Variants in FHOD3 observed in about 807,000 individuals in gnomAD.
The protein encoded by FHOD3 is formin homology 2 domain containing 3.
In FHOD3, 90 loss-of-function variants were observed where a neutral mutation model predicts 173.0. The ratio of observed to expected loss-of-function variants is 0.52; its 90% confidence interval spans 0.44 to 0.62. The LOEUF is 0.62. Ranked by LOEUF, FHOD3 falls within the 20% of genes least tolerant of loss-of-function variation. The probability of loss-of-function intolerance (pLI) is 0.00; values close to 1 mark genes in which losing one functional copy is unlikely to be tolerated. For synonymous variants in FHOD3, 828 were observed against 823.0 expected (o/e 1.01, Z -0.10); for missense variants, 1,945 against 2,034.7 (o/e 0.96, Z 0.85).
At chr18:36,375,175 T>A (rs1292515158) in intron 3 of FHOD3, among the ~76,000 whole-genome samples, 19 of 152,226 alleles carry the variant, frequency 1.2e-4, no homozygotes, top group Non-Finnish European at 2.8e-4. Context: ...AGATGAGATT[T>A]CTTATGGATA....
chr18:36,600,288 CAT>C (rs1491012394), intron 7 of FHOD3, among the ~76,000 whole-genome samples: 76 of 148,956 alleles, frequency 5.1e-4, no homozygotes, highest in African/African-American at 1.7e-3. Flanking sequence ...CACACACACA[CAT>C]ATGCACACAT....
intron 6 of FHOD3, among the ~76,000 whole-genome samples, chr18:36,582,367 C>T (rs567370002): frequency 1.3e-5 from 2 of 152,276 alleles, no homozygotes; most frequent in East Asian, 3.9e-4. Context: ...GAATCCTAGC[C>T]TTGAAGAGAT....
rs147249622 is a variant in FHOD3, at chr18:36,443,770, A to G, written c.338-58162A>G. Among the ~76,000 whole-genome samples the G allele has an allele frequency of 1.7e-4, 26 of 152,324 alleles. No individual in the cohort carries two copies. In the East Asian group the frequency reaches 4.4e-3, roughly 26 times the overall value. On this transcript the variant is annotated intron_variant, in intron 3 of 28. Transcript: ENST00000590592. ...TATGCATATTTACTTTCCTGTCTCT[A>G]TTAACAACACTGAGTTTGTACTGAT...
chr18:36,440,472 C>T (rs920677521), intron 3 of FHOD3, among the ~76,000 whole-genome samples: 5 of 152,036 alleles, frequency 3.3e-5, no homozygotes, highest in South Asian at 2.1e-4. Flanking sequence ...CCCAGCTGGA[C>T]GCGCTGCCCG....
intron 18 of FHOD3, among the ~76,000 whole-genome samples, chr18:36,716,908 A>ATGTGTGTGTGTGTGTG (rs1345159982): frequency 1.5e-5 from 2 of 135,254 alleles, no homozygotes; most frequent in African/African-American, 6.2e-5. Flanking sequence ...GAAATTATAT[A>ATGTGTGTGTGTGTGTG]TGTGTATGTG....
chr18:36,679,556 T>C (rs910658047), intron 14 of FHOD3, among the ~76,000 whole-genome samples: 5 of 152,182 alleles, frequency 3.3e-5, no homozygotes, highest in Admixed American at 2.0e-4. Context: ...AATACTACTT[T>C]AGAGGTATTC....
chr18:36,409,263 T>C (rs2049227096), intron 3 of FHOD3, among the ~76,000 whole-genome samples: 1 of 152,204 alleles, frequency 6.6e-6, no homozygotes, highest in Admixed American at 6.5e-5. Context: ...GTCTGAAGCA[T>C]GCAGGCGTGA....
At chr18:36,319,365 C>G (rs1017213331) in intron 1 of FHOD3, among the ~76,000 whole-genome samples, 1 of 152,046 alleles carries the variant, frequency 6.6e-6, no homozygotes, top group Non-Finnish European at 1.5e-5. Context: ...GACTTTAAAC[C>G]AACAAAGATC....
At chr18:36,623,882 C>G (rs576202449) in intron 9 of FHOD3, among the ~76,000 whole-genome samples, 1 of 152,294 alleles carries the variant, frequency 6.6e-6, no homozygotes, top group East Asian at 1.9e-4. Context: ...ATGACAGTGG[C>G]TAACCTGGCC....
intron 1 of FHOD3, among the ~76,000 whole-genome samples, chr18:36,320,367 T>A (rs1184670121): frequency 6.6e-6 from 1 of 152,030 alleles, no homozygotes; most frequent in Non-Finnish European, 1.5e-5. Flanking sequence ...TCTATGCAAA[T>A]AAACTAGAAA....
chr18:36,308,228 T>C (rs1378763957), intron 1 of FHOD3, among the ~76,000 whole-genome samples: 1 of 152,230 alleles, frequency 6.6e-6, no homozygotes. Flanking sequence ...TTTTTTCTCA[T>C]ATTTGATTAC....
At chr18:36,705,022 CTT>C (rs1342275226) in intron 17 of FHOD3, among the ~76,000 whole-genome samples, 1 of 152,104 alleles carries the variant, frequency 6.6e-6, no homozygotes, top group Non-Finnish European at 1.5e-5. Context: ...TTCGTGGACT[CTT>C]GATTCCACAC....
intron 3 of FHOD3, among the ~76,000 whole-genome samples, chr18:36,397,247 C>T (rs2048596567): frequency 6.6e-6 from 1 of 152,224 alleles, no homozygotes; most frequent in Admixed American, 6.5e-5. Context: ...GTTATTTTGG[C>T]TTCTCCTGTT....
At chr18:36,739,209 G>T (rs905951393) in intron 20 of FHOD3, among the ~76,000 whole-genome samples, 4 of 152,182 alleles carry the variant, frequency 2.6e-5, no homozygotes, top group African/African-American at 9.7e-5. Flanking sequence ...TTCCTAGAAA[G>T]TTCTAAACAA....
intron 25 of FHOD3, 124 bp from the exon 26 acceptor site, chr18:36,758,994 G>T: frequency 9.6e-7 from 1 of 1,036,524 alleles, no homozygotes; most frequent in Non-Finnish European, 1.4e-6. Flanking sequence ...TATCCTGGTT[G>T]TGGTGACCAG....
intron 1 of FHOD3, among the ~76,000 whole-genome samples, chr18:36,328,223 G>C (rs1459650377): frequency 6.6e-6 from 1 of 152,202 alleles, no homozygotes; most frequent in Non-Finnish European, 1.5e-5. Context: ...AAAAAGAATA[G>C]GTGAAGGAGA....
chr18:36,381,875 G>T (rs2047810092), intron 3 of FHOD3, among the ~76,000 whole-genome samples: 1 of 152,198 alleles, frequency 6.6e-6, no homozygotes, highest in South Asian at 2.1e-4. Flanking sequence ...TCACCTCAAA[G>T]GAGTGGGAAG....
intron 3 of FHOD3, among the ~76,000 whole-genome samples, chr18:36,413,141 C>T (rs151232915): frequency 6.6e-6 from 1 of 152,190 alleles, no homozygotes; most frequent in East Asian, 1.9e-4. Context: ...GTGGACTGTT[C>T]CTTATATTTT....
chr18:36,482,167 G>A (rs1708706), intron 3 of FHOD3, among the ~76,000 whole-genome samples: 76,526 of 152,034 alleles, frequency 0.5, 19,530 homozygotes, highest in Admixed American at 0.6. Context: ...GTCAGTCACT[G>A]TTTAAGGTCT....
Sources: allele counts gnomAD v4.1 joint callset (sites outside exome capture counted in the v4.1 genomes callset), GRCh38; gene constraint gnomAD v4.1.1; transcripts MANE v1.5; gene names NCBI Gene and HGNC (gene_info 2026-07-23, HGNC 2026-07-21).